DNM1: variants seen among roughly 807,000 people sequenced by gnomAD.
DNM1 encodes the protein dynamin 1.
A neutral mutation model predicts 104.6 loss-of-function variants in DNM1; 29 were observed. The observed-to-expected ratio is 0.28, with a 90% confidence interval of 0.21 to 0.38. The LOEUF (loss-of-function observed/expected upper bound fraction) is 0.38. Among genes scored for constraint, DNM1 ranks in the 10% least tolerant of loss-of-function variants. The probability of loss-of-function intolerance (pLI) is 1.00; values close to 1 mark genes in which losing one functional copy is unlikely to be tolerated. For missense variants in DNM1, 640 were observed against 1,189.4 expected, an observed-to-expected ratio of 0.54 and a Z score of 6.79; for synonymous variants, 445 against 475.8, an observed-to-expected ratio of 0.94 and a Z score of 0.84.
Position 128,218,324 on chromosome 9 carries a change from A to G in DNM1, c.235+20A>G. On this transcript the variant is annotated intron_variant, in intron 2 of 21. Coordinates refer to ENST00000372923, the MANE Select transcript of DNM1 (RefSeq NM_004408.4). The surrounding 1 kb of genome is among the most constrained non-coding windows in gnomAD (Gnocchi z 4.8). ...CCACAGGTACGTGCCCTCCTTCACCAGCAGCCAGGCCTGCCCACTCCAGCC... is the reference window on the plus strand; with the variant it reads ...CCACAGGTACGTGCCCTCCTTCACCGGCAGCCAGGCCTGCCCACTCCAGCC... 1 of 1,613,584 alleles carries G rather than the reference A, an allele frequency of 6.2e-7. No individual in the cohort carries two copies. The highest frequency in any genetic ancestry group is 8.5e-7 in the Non-Finnish European group (1 of 1,179,542).
At position 128,220,993 on chromosome 9, in the gene DNM1, C is replaced by CCCTTCCTTCCTTCCTTCCTTCCTTCCTT. The variant is rs148599259; in HGVS notation, c.849+676_849+677insCCTTCCTTCCTTCCTTCCTTCCTTCCTT. 18 of 126,080 alleles carry CCCTTCCTTCCTTCCTTCCTTCCTTCCTT rather than the reference C, an allele frequency of 1.4e-4. No individual in the cohort carries two copies. Among genetic ancestry groups the CCCTTCCTTCCTTCCTTCCTTCCTTCCTT allele is most frequent in the African/African-American group, 5.9e-4 (18 of 30,298 alleles). 7.8% of individuals were successfully genotyped at this position (126,080 alleles called of 1,614,324 possible). On this transcript the variant is annotated intron_variant, in intron 6 of 21. Coordinates refer to ENST00000372923, the MANE Select transcript of DNM1 (RefSeq NM_004408.4). The surrounding 1 kb of genome is among the most constrained non-coding windows in gnomAD (Gnocchi z 5.2). ...TTTCTTTCTCTTTCTTTCTTTCTTTCCCTTCCTTCCTTCCTTCCTTCCTTT... is the reference window on the plus strand; with the variant it reads ...TTTCTTTCTCTTTCTTTCTTTCTTTCCCTTCCTTCCTTCCTTCCTTCCTTCCTTCCTTCCTTCCTTCCTTCCTTCCTTT...
intron 15 of DNM1, 80 bp downstream of exon 15, chr9:128,242,425 G>A: frequency 1.3e-6 from 1 of 790,882 alleles, no homozygotes; most frequent in Non-Finnish European, 2.2e-6. Flanking sequence ...GGCTTGGAGT[G>A]GGCTAGACCA....
Position 128,248,616 on chromosome 9 carries a change from T to C in DNM1, c.1939T>C (p.Phe647Leu), listed in dbSNP as rs778368437. ...SETEENGSDS[F>L]MHSMDPQLER... ...GACCGAGGAGAATGGCTCCGACAGC[T>C]TCATGCATTCCATGGACCCACAGCT... The change falls in exon 19 of 22, where the codon TTC becomes CTC. Residue 647 changes from phenylalanine (F) to leucine (L), a missense_variant. This residue lies in a region of DNM1 where 91 missense variants were observed against 256.3 expected (regional missense o/e 0.36). Coordinates refer to ENST00000372923, the MANE Select transcript of DNM1 (RefSeq NM_004408.4). The surrounding 1 kb of genome is among the most constrained non-coding windows in gnomAD (Gnocchi z 5.6). 5 of 1,614,016 alleles carry C rather than the reference T, an allele frequency of 3.1e-6. No individual in the cohort carries two copies. The highest frequency in any genetic ancestry group is 4.2e-6 in the Non-Finnish European group (5 of 1,179,922).
rs919005830 is a variant in DNM1 at position 128,203,654 on chromosome 9, C to A, written c.161+23C>A. On this transcript the variant is annotated intron_variant, in intron 1 of 21. Transcript: ENST00000372923. The surrounding 1 kb of genome is among the most constrained non-coding windows in gnomAD (Gnocchi z 5.3). The stretch of plus-strand genomic sequence containing the variant: ...CAGGTAGGCGCGGCGCGCCCCCAGG[C>A]GCCGACCCCCGACCCCCGGGATCCC... 5.3e-6 allele frequency: 8 copies of A among 1,498,838 alleles called. No homozygotes were observed. In the African/African-American group the frequency reaches 1.0e-4, roughly 19 times the overall value. The allele number at this position is 1,498,838 out of a possible 1,614,324, so 92.8% of individuals were successfully genotyped here. A position where few individuals can be genotyped will look rare whatever the true frequency, so the allele number is the denominator to read the frequency against.
intron 3 of DNM1, 33 bp from the exon 4 acceptor site, chr9:128,219,016 G>A (rs11788598): frequency 6.8e-5 from 110 of 1,609,462 alleles, no homozygotes; most frequent in Non-Finnish European, 9.0e-5. Context: ...CACGCCCCTC[G>A]CCTTGAGCCC....
At chr9:128,244,528 AC>A (rs1031536439) in intron 15 of DNM1, among the ~76,000 whole-genome samples, 1 of 143,526 alleles carries the variant, frequency 7.0e-6, no homozygotes, top group East Asian at 2.2e-4. Flanking sequence ...GTCCCCATTG[AC>A]CCCCCCATCC....
At position 128,224,503 on chromosome 9, in the gene DNM1, C is replaced by A; in HGVS notation, c.1335+114C>A. ...CCTCGGTAGCATGTACAGACCTCAG[C>A]GGGGTGGGGAGGCAGGCCACCACTG... On this transcript the variant is annotated intron_variant, in intron 10 of 21. Coordinates refer to ENST00000372923, the MANE Select transcript of DNM1 (RefSeq NM_004408.4). This position sits in a 1 kb window ranked among gnomAD's most constrained non-coding sequence, Gnocchi z 4.3. The A allele has an allele frequency of 9.5e-7, 1 of 1,055,006 alleles. No individual in the cohort carries two copies. The allele number at this position is 1,055,006 out of a possible 1,614,324, so 65.4% of individuals were successfully genotyped here.
Position 128,247,445 on chromosome 9 carries a change from G to C in DNM1, c.1852G>C (p.Ala618Pro). ...ACAGGAGGAGGTGGACAGCTGGAAG[G>C]CCTCCTTCCTGAGGGCTGGCGTGTA... ...ETQEEVDSWKASFLRAGVYPE... is the reference protein window; with the variant it reads ...ETQEEVDSWKPSFLRAGVYPE... Residue 618 changes from alanine to proline, a missense_variant, in exon 17 of 22, where the codon GCC becomes CCC. By Grantham distance (27) the Ala-to-Pro change is conservative. Transcript: ENST00000372923. This position sits in a 1 kb window ranked among gnomAD's most constrained non-coding sequence, Gnocchi z 5.1. The C allele has an allele frequency of 1.9e-6, 3 of 1,613,710 alleles. No individual in the cohort carries two copies. Among genetic ancestry groups the C allele is most frequent in the South Asian group, 1.1e-5 (1 of 91,014 alleles).
chr9:128,233,981 C>T, intron 10 of DNM1, 40 bp from the exon 11 acceptor site: 7 of 1,541,886 alleles, frequency 4.5e-6, no homozygotes, highest in Non-Finnish European at 6.1e-6. Context: ...TGCCCGTGCC[C>T]TCTGTGTACG....
chr9:128,236,109 C>T (rs1195073206), intron 11 of DNM1, among the ~76,000 whole-genome samples: 1 of 152,142 alleles, frequency 6.6e-6, no homozygotes, highest in African/African-American at 2.4e-5. Context: ...CACATTATAC[C>T]CCTCATAGCC....
intron 11 of DNM1, among the ~76,000 whole-genome samples, chr9:128,235,658 T>C (rs1369515347): frequency 6.6e-6 from 1 of 152,210 alleles, no homozygotes; most frequent in African/African-American, 2.4e-5. Context: ...CCCCACTTTC[T>C]ACCCTTTTGA....
Position 128,222,216 on chromosome 9 carries a change from G to T in DNM1, c.869G>T (p.Arg290Leu). ...CCCCAGCAACTGACGAACCACATCC[G>T]GGACACACTGCCGGGGCTGCGGAAC... is the stretch of plus-strand genomic sequence containing the variant. The part of the protein sequence containing the change: ...VLNQQLTNHI[R>L]DTLPGLRNKL... The change falls in exon 7 of 22, where the codon CGG becomes CTG. Residue 290 changes from arginine to leucine, a missense_variant. Coordinates refer to ENST00000372923, the MANE Select transcript of DNM1 (RefSeq NM_004408.4). The surrounding 1 kb of genome is among the most constrained non-coding windows in gnomAD (Gnocchi z 7.8). The T allele has an allele frequency of 3.7e-6, 6 of 1,613,840 alleles. No homozygotes were observed. Among genetic ancestry groups the T allele is most frequent in the Non-Finnish European group, 5.1e-6 (6 of 1,179,840 alleles).
chr9:128,239,385 T>C (rs1836217757), intron 11 of DNM1, 60 bp from the exon 12 acceptor site: 3 of 1,345,786 alleles, frequency 2.2e-6, no homozygotes, highest in Admixed American at 1.7e-5. Flanking sequence ...CAGCTTGCCC[T>C]GCATTTTAAA....
rs534614991 is a variant in DNM1 at position 128,228,176 on chromosome 9, G to C, written c.1335+3787G>C. On this transcript the variant is annotated intron_variant, in intron 10 of 21. Coordinates refer to ENST00000372923, the MANE Select transcript of DNM1 (RefSeq NM_004408.4). Reference sequence around the variant, plus strand: ...CCTGCCTCAGCCTCCCGAGTAGCTGGGATTACAGGCTCCTCCCACCACACC... The same window carrying C: ...CCTGCCTCAGCCTCCCGAGTAGCTGCGATTACAGGCTCCTCCCACCACACC... 5.9e-5 allele frequency among the ~76,000 whole-genome samples: 9 copies of C among 152,106 alleles called. No homozygotes were observed. The South Asian group carries it at 1.9e-3, about 32-fold the overall frequency.
chr9:128,222,809 A>G lies in DNM1; in HGVS notation c.1145A>G (p.Lys382Arg). The change falls in exon 9 of 22, where the codon AAG becomes AGG. Residue 382 changes from lysine (K) to arginine (R), a missense_variant. Physicochemically the swap from Lys to Arg is conservative, Grantham distance 26. Coordinates refer to ENST00000372923, the MANE Select transcript of DNM1 (RefSeq NM_004408.4). The surrounding 1 kb of genome is among the most constrained non-coding windows in gnomAD (Gnocchi z 7.8). ...FELVKMEFDE[K>R]ELRREISYAI... ...TCTACACAGATGGAGTTTGATGAGA[A>G]GGAACTCCGAAGGGAGATCAGCTAT... 6.2e-7 allele frequency: 1 copy of G among 1,614,164 alleles called. No individual in the cohort carries two copies. The highest frequency in any genetic ancestry group is 8.5e-7 in the Non-Finnish European group (1 of 1,180,026).
chr9:128,206,896 C>T (rs1483399288), intron 1 of DNM1, among the ~76,000 whole-genome samples: 1 of 150,502 alleles, frequency 6.6e-6, no homozygotes, highest in African/African-American at 2.5e-5. Context: ...ACTTGGGGAG[C>T]GGGTGAGGGA....
rs529581265 is a variant in DNM1, at chr9:128,250,863, G to A, written c.2457G>A (p.Pro819=). The stretch of plus-strand genomic sequence containing the variant: ...GGGCGCCCCCCGTGCCCTCCAGGCC[G>A]GGGGCTTCCCCTGACCCTTTCGGCC... The part of the protein sequence containing the change: ...LGGAPPVPSR[P]GASPDPFGPP... The change falls in exon 21 of 22, where the codon CCG becomes CCA. Residue 819 remains proline, a synonymous_variant. Coordinates refer to ENST00000372923, the MANE Select transcript of DNM1 (RefSeq NM_004408.4). 9 of 1,308,568 alleles carry A rather than the reference G, an allele frequency of 6.9e-6. No individual in the cohort carries two copies. Among genetic ancestry groups the A allele is most frequent in the East Asian group, 3.1e-5 (1 of 32,262 alleles). 81.1% of individuals were successfully genotyped at this position (1,308,568 alleles called of 1,614,324 possible).
chr9:128,223,019 C>T, intron 9 of DNM1, 159 bp downstream of exon 9: 1 of 731,958 alleles, frequency 1.4e-6, no homozygotes, highest in Admixed American at 2.7e-5. Context: ...ATGACAGGCT[C>T]CAGCTTGGGG....
rs1057520197 is a variant in DNM1 at position 128,218,704 on chromosome 9, A to G, written c.358A>G (p.Ile120Val). The G allele has an allele frequency of 1.7e-5, 28 of 1,607,314 alleles. No individual in the cohort carries two copies. Among genetic ancestry groups the G allele is most frequent in the East Asian group, 2.2e-5 (1 of 44,662 alleles). ...CAACAAGGGCATCTCGCCGGTGCCT[A>G]TCAACCTCCGCGTCTACTCGCCGCA... ...GTNKGISPVP[I>V]NLRVYSPHVL... is the part of the protein sequence containing the mutation. The change falls in exon 3 of 22, where the codon ATC becomes GTC. Residue 120 changes from isoleucine (I) to valine (V), a missense_variant. Around this residue, in one of 7 missense-constraint regions of DNM1, gnomAD observed 172 missense variants for 335.3 expected, o/e 0.51. Transcript: ENST00000372923. The surrounding 1 kb of genome is among the most constrained non-coding windows in gnomAD (Gnocchi z 4.8).
Sources: allele counts gnomAD v4.1 joint callset (sites outside exome capture counted in the v4.1 genomes callset), GRCh38; gene constraint gnomAD v4.1.1; regional missense constraint gnomAD v4.1.1; non-coding constraint Gnocchi (gnomAD v3.1); transcripts MANE v1.5; gene names NCBI Gene and HGNC (gene_info 2026-07-23, HGNC 2026-07-21).